SEMA4B: variants seen among roughly 807,000 people sequenced by gnomAD.
SEMA4B encodes semaphorin 4B.
SEMA4B carries 55 observed loss-of-function variants against 88.1 expected under a neutral mutation model. The ratio of observed to expected loss-of-function variants is 0.62; its 90% CI spans 0.50 to 0.78. SEMA4B has a LOEUF of 0.78. SEMA4B is among the 30% of genes least tolerant of loss of function. SEMA4B has a pLI of 0.00. For missense variants in SEMA4B, 1,062 were observed against 1,111.9 expected, an observed-to-expected ratio of 0.96 and a Z score of 0.64; for synonymous variants, 525 against 473.6, an observed-to-expected ratio of 1.11 and a Z score of -1.41.
intron 11 of SEMA4B, 89 bp downstream of exon 11, chr15:90,225,486 T>C (rs2151626746): frequency 7.4e-7 from 1 of 1,344,104 alleles, no homozygotes; most frequent in South Asian, 1.3e-5. Flanking sequence ...TCTCCTCCCT[T>C]GCCTCAGGAG....
chr15:90,228,109 G>A lies in SEMA4B; in HGVS notation c.1980G>A (p.Glu660=). 2 of 1,612,218 alleles carry A rather than the reference G, an allele frequency of 1.2e-6. No individual in the cohort carries two copies. Among genetic ancestry groups the A allele is most frequent in the Non-Finnish European group, 1.7e-6 (2 of 1,179,118 alleles). Reference sequence around the variant, plus strand: ...GGGAGTTCCAGTGCTGGTCACTAGAGGAGGGCTTCCAGCAGCTGGTAGCCA... The same window carrying A: ...GGGAGTTCCAGTGCTGGTCACTAGAAGAGGGCTTCCAGCAGCTGGTAGCCA... ...QLGEFQCWSL[E]EGFQQLVASY... Residue 660 remains glutamate, a synonymous_variant, in exon 14 of 14, where the codon GAG becomes GAA. Transcript: ENST00000411539.
rs11385048 is a variant in SEMA4B at position 90,207,285 on chromosome 15, T to TG, written c.157+5556dup. 5.1e-3 allele frequency among the ~76,000 whole-genome samples: 767 copies of TG among 151,480 alleles called. 10 individuals carry two copies. Among genetic ancestry groups the TG allele is most frequent in the African/African-American group, 0.018 (733 of 41,234 alleles). ...GTAGTCTTAACAGGCTTCCGAGAGG[T>TG]GGGGGGCCTGTGGCGAGGGGGTTTC... On this transcript the variant is annotated intron_variant, in intron 1 of 13. Transcript: ENST00000411539.
At chr15:90,187,370 G>A (rs1050023719) in intron 1 of SEMA4B, among the ~76,000 whole-genome samples, 2 of 152,206 alleles carry the variant, frequency 1.3e-5, no homozygotes, top group South Asian at 2.1e-4. Flanking sequence ...AATGATTTGA[G>A]ACAGCTAGAG....
chr15:90,219,978 T>C, intron 4 of SEMA4B, 87 bp downstream of exon 4: 2 of 1,022,498 alleles, frequency 2.0e-6, no homozygotes, highest in East Asian at 2.5e-5. Context: ...CATAGACCCC[T>C]GAGGAAAGGC....
At position 90,229,614 on chromosome 15, in the gene SEMA4B, T is replaced by C. The variant is rs528624266; in HGVS notation, c.*971T>C. On this transcript the variant is annotated 3_prime_UTR_variant, in exon 14 of 14. Coordinates refer to ENST00000411539, the MANE Select transcript of SEMA4B (RefSeq NM_198925.4). Reference sequence around the variant, plus strand: ...GGTTTTTATACATTTTTTAATAAGATGCACTTTATGTCATTTTTTAATAAA... The same window carrying C: ...GGTTTTTATACATTTTTTAATAAGACGCACTTTATGTCATTTTTTAATAAA... The C allele has an allele frequency of 3.0e-6, 1 of 335,966 alleles. No individual in the cohort carries two copies. The highest frequency in any genetic ancestry group is 2.2e-5 in the African/African-American group (1 of 45,518). The allele number at this position is 335,966 out of a possible 1,614,324, so 20.8% of individuals were successfully genotyped here.
intron 1 of SEMA4B, chr15:90,193,503 A>T (rs1441521391): frequency 6.6e-6 from 1 of 152,378 alleles, no homozygotes; most frequent in South Asian, 2.1e-4. Flanking sequence ...CACTGTCCTC[A>T]AAGGACTTGC....
chr15:90,204,594 G>A (rs868321714), intron 1 of SEMA4B, among the ~76,000 whole-genome samples: 2 of 152,146 alleles, frequency 1.3e-5, no homozygotes, highest in Non-Finnish European at 2.9e-5. Flanking sequence ...GTTCTCTTGC[G>A]TTGGAACTAC....
Position 90,229,005 on chromosome 15 carries a change from G to A in SEMA4B, c.*362G>A. 1 of 377,940 alleles carries A rather than the reference G, an allele frequency of 2.6e-6. No individual in the cohort carries two copies. Among genetic ancestry groups the A allele is most frequent in the South Asian group, 2.2e-5 (1 of 45,176 alleles). 23.4% of individuals were successfully genotyped at this position (377,940 alleles called of 1,614,324 possible). On this transcript the variant is annotated 3_prime_UTR_variant, in exon 14 of 14. Coordinates refer to ENST00000411539, the MANE Select transcript of SEMA4B (RefSeq NM_198925.4). ...GCACACACGGCTGCTCCAGTTCATGGCCTCCCAGGGGTGCTGGGGATGCAT... is the reference window on the plus strand; with the variant it reads ...GCACACACGGCTGCTCCAGTTCATGACCTCCCAGGGGTGCTGGGGATGCAT...
At chr15:90,223,389 T>TGATG (rs1157651395) in intron 7 of SEMA4B, among the ~76,000 whole-genome samples, 170 bp from the exon 8 acceptor site, 1 of 152,188 alleles carries the variant, frequency 6.6e-6, no homozygotes, top group African/African-American at 2.4e-5. Flanking sequence ...ACCATCCTCC[T>TGATG]GATGGATGCG....
At chr15:90,188,498 CA>C (rs1960241537) in intron 1 of SEMA4B, among the ~76,000 whole-genome samples, 1 of 151,320 alleles carries the variant, frequency 6.6e-6, no homozygotes, top group South Asian at 2.1e-4. Flanking sequence ...CATGGTGGCG[CA>C]TGCCTGTAAT....
At chr15:90,200,048 C>T (rs943030888), upstream of SEMA4B, among the ~76,000 whole-genome samples, 9 of 152,174 alleles carry the variant, frequency 5.9e-5, no homozygotes, top group Admixed American at 5.2e-4. Context: ...ATGCTGCTAG[C>T]CTGCACCATG....
rs908868960 is a variant in SEMA4B, at chr15:90,228,591, G to A, written c.2462G>A (p.Cys821Tyr). 1 of 1,613,554 alleles carries A rather than the reference G, an allele frequency of 6.2e-7. No homozygotes were observed. The highest frequency in any genetic ancestry group is 1.1e-5 in the South Asian group (1 of 91,088). The change falls in exon 14 of 14, where the codon TGC becomes TAC. Residue 821 changes from cysteine to tyrosine, a missense_variant. Cys to Tyr is a radical substitution (Grantham distance 194). Transcript: ENST00000411539. ...AGCTTCGTGGAGGTATCCCCAGTGT[G>A]CCCCCGGCCCCGGGTCCGCCTTGGC... Reference protein sequence around the residue: ...QDSFVEVSPVCPRPRVRLGSE... With the variant: ...QDSFVEVSPVYPRPRVRLGSE...
upstream of SEMA4B, chr15:90,184,940 G>A: frequency 1.7e-5 from 17 of 986,026 alleles, no homozygotes; most frequent in Non-Finnish European, 1.9e-5. Context: ...ACGCCGCGCC[G>A]GACTGAGGCT....
At position 90,223,631 on chromosome 15, in the gene SEMA4B, C is replaced by A. The variant is rs370045975; in HGVS notation, c.934C>A (p.Arg312=). The A allele has an allele frequency of 3.1e-6, 5 of 1,613,538 alleles. No homozygotes were observed. The highest frequency in any genetic ancestry group is 3.4e-6 in the Non-Finnish European group (4 of 1,179,792). The part of the protein sequence containing the change: ...SFLKAQLLCS[R]PDDGFPFNVL... ...CCTCAAGGCCCAGCTGCTGTGCTCA[C>A]GGCCCGACGATGGCTTCCCCTTCAA... The change falls in exon 8 of 14, where the codon CGG becomes AGG. Residue 312 remains arginine (R), a synonymous_variant. Coordinates refer to ENST00000411539, the MANE Select transcript of SEMA4B (RefSeq NM_198925.4).
At chr15:90,209,763 A>G (rs1355885219) in intron 1 of SEMA4B, among the ~76,000 whole-genome samples, 1 of 152,162 alleles carries the variant, frequency 6.6e-6, no homozygotes, top group East Asian at 1.9e-4. Flanking sequence ...CCAAGTCTCA[A>G]AGGATGAGTG....
intron 1 of SEMA4B, 40 bp from the exon 2 acceptor site, chr15:90,217,399 G>A (rs778456773): frequency 1.3e-6 from 2 of 1,586,988 alleles, no homozygotes; most frequent in East Asian, 2.3e-5. Context: ...CTTCCCATGG[G>A]AGGGGTGGCC....
At chr15:90,216,796 A>G (rs1249199044) in intron 1 of SEMA4B, among the ~76,000 whole-genome samples, 1 of 152,134 alleles carries the variant, frequency 6.6e-6, no homozygotes, top group East Asian at 1.9e-4. Flanking sequence ...GTGAGCCAAG[A>G]TCATGCCACT....
At chr15:90,187,306 A>G (rs144070792) in intron 1 of SEMA4B, among the ~76,000 whole-genome samples, 1 of 152,348 alleles carries the variant, frequency 6.6e-6, no homozygotes, top group East Asian at 1.9e-4. Flanking sequence ...GAAAGGGATA[A>G]CAGAAAAGTG....
chr15:90,219,982 GA>G, intron 4 of SEMA4B, 91 bp downstream of exon 4: 4 of 965,118 alleles, frequency 4.1e-6, no homozygotes, highest in Non-Finnish European at 6.1e-6. Context: ...GACCCCTGAG[GA>G]AAGGCAGGGC....
Sources: allele counts gnomAD v4.1 joint callset (sites outside exome capture counted in the v4.1 genomes callset), GRCh38; gene constraint gnomAD v4.1.1; transcripts MANE v1.5; gene names NCBI Gene and HGNC (gene_info 2026-07-23, HGNC 2026-07-21).